The following PDE9A variants were observed in gnomAD, a reference collection of about 807,000 sequenced individuals.
PDE9A encodes the protein high affinity cGMP-specific 3',5'-cyclic phosphodiesterase 9A.
In PDE9A, 60 loss-of-function variants were observed where a neutral mutation model predicts 87.4. The ratio of observed to expected loss-of-function variants is 0.69; its 90% confidence interval spans 0.56 to 0.85. The LOEUF is 0.85. PDE9A is among the 40% of genes least tolerant of loss of function. The pLI, the probability that PDE9A is intolerant of heterozygous loss-of-function variation, is 0.00. For synonymous variants in PDE9A, 272 were observed against 279.4 expected (o/e 0.97, Z 0.27); for missense variants, 665 against 779.0 (o/e 0.85, Z 1.74).
In PDE9A at chr21:42,733,419, C is replaced by T. The variant is rs142389339; in HGVS notation, c.561C>T (p.Arg187=). ...VANHLAVLEK[R]VELEGLKVVE... Reference sequence around the variant, plus strand: ...ATCACTTGGCTGTCCTAGAGAAACGCGTGGAATGTGAGTGACGTTTCTGTT... The same window carrying T: ...ATCACTTGGCTGTCCTAGAGAAACGTGTGGAATGTGAGTGACGTTTCTGTT... Residue 187 remains arginine, a synonymous_variant, in exon 7 of 20, where the codon CGC becomes CGT. Transcript: ENST00000291539. 24 of 1,586,382 alleles carry T rather than the reference C, an allele frequency of 1.5e-5. No individual in the cohort carries two copies. In the African/African-American group the frequency reaches 2.0e-4, roughly 13 times the overall value.
intron 1 of PDE9A, among the ~76,000 whole-genome samples, chr21:42,663,314 G>A (rs944899871): frequency 4.1e-5 from 6 of 146,272 alleles, no homozygotes; most frequent in East Asian, 4.2e-4. Flanking sequence ...TACACACCGC[G>A]CACACATCAC....
chr21:42,726,604 A>ATTT (rs2051077585), intron 4 of PDE9A, among the ~76,000 whole-genome samples: 1 of 15,490 alleles, frequency 6.5e-5, no homozygotes, highest in African/African-American at 5.3e-4. Flanking sequence ...ATATATATAT[A>ATTT]TATATATATA....
In PDE9A at chr21:42,675,702, A is replaced by G. The variant is rs1243574017; in HGVS notation, c.70-10490A>G. ...GTCCCATGCAGCCATAAGAAAGACA[A>G]CGGAGAGATCTGTGTACCCTCCACC... On this transcript the variant is annotated intron_variant, in intron 1 of 19. Transcript: ENST00000291539. This position sits in a 1 kb window ranked among gnomAD's most constrained non-coding sequence, Gnocchi z 4.3. Among the ~76,000 whole-genome samples, 1 of 152,176 alleles carries G rather than the reference A, an allele frequency of 6.6e-6. No individual in the cohort carries two copies. The highest frequency in any genetic ancestry group is 2.4e-5 in the African/African-American group (1 of 41,444).
At position 42,704,318 on chromosome 21, in the gene PDE9A, A is replaced by G. The variant is rs920847829; in HGVS notation, c.262+5307A>G. ...ATAGTCACATCCTGGCTGGGCTAAC[A>G]CCACCTTTCCCCGCCTCTGGGTGCG... On this transcript the variant is annotated intron_variant, in intron 4 of 19. Coordinates refer to ENST00000291539, the MANE Select transcript of PDE9A (RefSeq NM_002606.3). This position sits in a 1 kb window ranked among gnomAD's most constrained non-coding sequence, Gnocchi z 5.3. Among the ~76,000 whole-genome samples the G allele has an allele frequency of 4.6e-5, 7 of 151,778 alleles. No homozygotes were observed. The highest frequency in any genetic ancestry group is 1.9e-4 in the East Asian group (1 of 5,176).
Position 42,717,556 on chromosome 21 carries a change from A to AAAT in PDE9A, c.263-14214_263-14213insAAT, listed in dbSNP as rs57825675. On this transcript the variant is annotated intron_variant, in intron 4 of 19. Coordinates refer to ENST00000291539, the MANE Select transcript of PDE9A (RefSeq NM_002606.3). ...GAGACTCCATCTCAAAAAAAAAAAA[A>AAAT]TTTTTTTGTATTTTTAGTAGAGACG... Among the ~76,000 whole-genome samples, 122 of 149,314 alleles carry AAAT rather than the reference A, an allele frequency of 8.2e-4. 1 individual carries two copies. Among genetic ancestry groups the AAAT allele is most frequent in the Admixed American group, 1.3e-3 (19 of 15,016 alleles).
intron 16 of PDE9A, 113 bp downstream of exon 16, chr21:42,768,405 G>A (rs965543565): frequency 2.8e-5 from 29 of 1,023,804 alleles, no homozygotes; most frequent in Middle Eastern, 2.4e-4. Context: ...CCGGGCTGCC[G>A]ACAGTTCAGC....
chr21:42,689,451 GTCTCGC>G, intron 3 of PDE9A: 1 of 773,260 alleles, frequency 1.3e-6, no homozygotes, highest in Non-Finnish European at 1.6e-6. Flanking sequence ...AGCCTGGGGG[GTCTCGC>G]TCAGAAGCAA....
intron 1 of PDE9A, among the ~76,000 whole-genome samples, chr21:42,670,405 CACATACATTCACACGCACTT>C (rs1175041929): frequency 0.057 from 5,936 of 103,640 alleles, 406 homozygotes; most frequent in African/African-American, 0.34. Flanking sequence ...CAAACATTCA[CACATACATTCACACGCACTT>C]ACAGTCACAC....
chr21:42,699,122 A>G, intron 4 of PDE9A, 111 bp downstream of exon 4: 1 of 721,786 alleles, frequency 1.4e-6, no homozygotes, highest in Non-Finnish European at 2.5e-6. Context: ...CATTTGAAAT[A>G]TATATGAGTT....
chr21:42,688,990 G>A lies in PDE9A; in HGVS notation c.218+996G>A, dbSNP rs1235796248. Reference sequence around the variant, plus strand: ...GGTCTCAGTGGACATGGCCAGAGCCGTCCCCCTCAGTGAGCGCTCAGTAGA... The same window carrying A: ...GGTCTCAGTGGACATGGCCAGAGCCATCCCCCTCAGTGAGCGCTCAGTAGA... On this transcript the variant is annotated intron_variant, in intron 3 of 19. Coordinates refer to ENST00000291539, the MANE Select transcript of PDE9A (RefSeq NM_002606.3). Among the ~76,000 whole-genome samples the A allele has an allele frequency of 7.3e-5, 11 of 151,578 alleles. 1 individual carries two copies. The South Asian group carries it at 1.7e-3, about 23-fold the overall frequency.
chr21:42,705,642 G>A lies in PDE9A; in HGVS notation c.262+6631G>A, dbSNP rs764364941. ...GCGTGCTGCAGTCACACGCCAGGAC[G>A]GCCCCCCACGGCCCAAGTCCTATAG... On this transcript the variant is annotated intron_variant, in intron 4 of 19. Coordinates refer to ENST00000291539, the MANE Select transcript of PDE9A (RefSeq NM_002606.3). This position sits in a 1 kb window ranked among gnomAD's most constrained non-coding sequence, Gnocchi z 4.3. Among the ~76,000 whole-genome samples the A allele has an allele frequency of 4.6e-5, 7 of 152,076 alleles. No individual in the cohort carries two copies. The South Asian group carries it at 8.3e-4, about 18-fold the overall frequency.
At chr21:42,687,170 G>A (rs553381327) in intron 2 of PDE9A, among the ~76,000 whole-genome samples, 3 of 152,200 alleles carry the variant, frequency 2.0e-5, no homozygotes, top group Admixed American at 6.5e-5. Context: ...AAGTTAGGAC[G>A]GAGGTGGAGA....
chr21:42,739,506 T>C lies in PDE9A; in HGVS notation c.569-4270T>C, dbSNP rs1449714443. Among the ~76,000 whole-genome samples the C allele has an allele frequency of 6.6e-6, 1 of 152,228 alleles. No homozygotes were observed. Among genetic ancestry groups the C allele is most frequent in the Non-Finnish European group, 1.5e-5 (1 of 68,030 alleles). On this transcript the variant is annotated intron_variant, in intron 7 of 19. Coordinates refer to ENST00000291539, the MANE Select transcript of PDE9A (RefSeq NM_002606.3). The surrounding 1 kb of genome is among the most constrained non-coding windows in gnomAD (Gnocchi z 4.1). ...CCTGCAGACCTCCCCGCCAGCCCCG[T>C]CATTTCATGGCATCTTGCTTTCTCT...
intron 3 of PDE9A, among the ~76,000 whole-genome samples, chr21:42,697,099 T>C (rs781719687): frequency 6.6e-6 from 1 of 151,524 alleles, no homozygotes; most frequent in Non-Finnish European, 1.5e-5. Flanking sequence ...TCTGTGTGAG[T>C]GAGGTCATTC....
intron 4 of PDE9A, chr21:42,700,773 C>T (rs747272486): frequency 4.7e-4 from 72 of 152,308 alleles, no homozygotes; most frequent in African/African-American, 1.6e-3. Flanking sequence ...TGTGGAAAAT[C>T]GATGGGCCAT....
intron 4 of PDE9A, among the ~76,000 whole-genome samples, chr21:42,715,570 T>C (rs958114213): frequency 6.6e-6 from 1 of 151,598 alleles, no homozygotes; most frequent in Non-Finnish European, 1.5e-5. Flanking sequence ...TGAGCTGAGA[T>C]TGCATCACTG....
At chr21:42,735,462 A>C (rs1454058616) in intron 7 of PDE9A, among the ~76,000 whole-genome samples, 1 of 152,222 alleles carries the variant, frequency 6.6e-6, no homozygotes, top group Non-Finnish European at 1.5e-5. Flanking sequence ...ACAGCTCTGC[A>C]GGCCAGAAGT....
At chr21:42,726,624 A>ATATATATATATTTTTTTTTTTTTTTT in intron 4 of PDE9A, among the ~76,000 whole-genome samples, 4 of 19,780 alleles carry the variant, frequency 2.0e-4, no homozygotes, top group African/African-American at 1.4e-3. Context: ...ATATATATAT[A>ATATATATATATTTTTTTTTTTTTTTT]TTTTTTTTTT....
In PDE9A at chr21:42,739,276, C is replaced by G. The variant is rs2052834702; in HGVS notation, c.569-4500C>G. 6.6e-6 allele frequency among the ~76,000 whole-genome samples: 1 copy of G among 152,230 alleles called. No individual in the cohort carries two copies. The highest frequency in any genetic ancestry group is 2.4e-5 in the African/African-American group (1 of 41,470). Reference sequence around the variant, plus strand: ...CCGTCCTGCTGCTGTCTGCAGACCTCTCAGGCTTGAGGCCCCCCGCCCCAC... The same window carrying G: ...CCGTCCTGCTGCTGTCTGCAGACCTGTCAGGCTTGAGGCCCCCCGCCCCAC... On this transcript the variant is annotated intron_variant, in intron 7 of 19. Transcript: ENST00000291539. The surrounding 1 kb of genome is among the most constrained non-coding windows in gnomAD (Gnocchi z 4.1).
Sources: gnomAD v4.1 joint callset for allele counts (sites outside exome capture counted in the v4.1 genomes callset) on GRCh38, gnomAD v4.1.1 for gene constraint, Gnocchi (gnomAD v3.1) non-coding constraint, MANE v1.5 for transcripts, NCBI Gene and HGNC (gene_info 2026-07-23, HGNC 2026-07-21) for gene names.